Variants in PTK2 observed in about 807,000 individuals in gnomAD.
The protein encoded by PTK2 is focal adhesion kinase 1.
In PTK2, 45 loss-of-function variants were observed where a neutral mutation model predicts 150.1. The ratio of observed to expected loss-of-function variants is 0.30; its 90% CI spans 0.24 to 0.38. The LOEUF (loss-of-function observed/expected upper bound fraction) is 0.38. PTK2 is among the 10% of genes least tolerant of loss of function. The pLI, the probability that PTK2 is intolerant of heterozygous loss-of-function variation, is 1.00. For missense variants in PTK2, 919 were observed against 1,307.3 expected, an observed-to-expected ratio of 0.70 and a Z score of 4.58; for synonymous variants, 432 against 449.2, an observed-to-expected ratio of 0.96 and a Z score of 0.48.
chr8:140,879,922 T>A (rs1400749205), intron 3 of PTK2, among the ~76,000 whole-genome samples: 2 of 152,084 alleles, frequency 1.3e-5, no homozygotes, highest in Non-Finnish European at 2.9e-5. Context: ...TAACAAGGCA[T>A]GTAAACTTAA....
chr8:140,861,164 G>A (rs2100135847), intron 5 of PTK2, among the ~76,000 whole-genome samples: 1 of 152,070 alleles, frequency 6.6e-6, no homozygotes, highest in Non-Finnish European at 1.5e-5. Flanking sequence ...GGGTAACATA[G>A]CAAGACCCCC....
At chr8:140,852,258 C>T (rs1382065424) in intron 5 of PTK2, among the ~76,000 whole-genome samples, 1 of 152,162 alleles carries the variant, frequency 6.6e-6, no homozygotes, top group African/African-American at 2.4e-5. Flanking sequence ...AACAGATTAA[C>T]GACAGTTAAA....
At position 140,818,811 on chromosome 8, in the gene PTK2, G is replaced by A. The variant is rs531998168; in HGVS notation, c.789+69C>T. 45 of 1,479,032 alleles carry A rather than the reference G, an allele frequency of 3.0e-5. No homozygotes were observed. The African/African-American group carries it at 5.5e-4, about 18-fold the overall frequency. 91.6% of individuals were successfully genotyped at this position (1,479,032 alleles called of 1,614,324 possible). On this transcript the variant is annotated intron_variant, in intron 9 of 31. Transcript: ENST00000522684. ...TTAGCATTTTTTCATCAGAAATTTA[G>A]ATATACAGCAAGAGACAAGAAAAAG...
At chr8:140,784,917 T>C (rs1302739394) in intron 14 of PTK2, among the ~76,000 whole-genome samples, 1 of 152,222 alleles carries the variant, frequency 6.6e-6, no homozygotes, top group African/African-American at 2.4e-5. Flanking sequence ...GGTGATCCAA[T>C]AACTACCTTT....
chr8:140,930,092 C>T (rs2100171166), intron 1 of PTK2, among the ~76,000 whole-genome samples: 1 of 152,098 alleles, frequency 6.6e-6, no homozygotes. Flanking sequence ...AATAAATCTC[C>T]TCTCAGTTTT....
At chr8:140,774,513 T>C (rs544742866) in intron 14 of PTK2, among the ~76,000 whole-genome samples, 3 of 152,132 alleles carry the variant, frequency 2.0e-5, no homozygotes, top group South Asian at 2.1e-4. Context: ...CTGTGGAACA[T>C]TGTGTAGCGT....
At chr8:140,844,422 CA>C (rs1452528925) in intron 7 of PTK2, among the ~76,000 whole-genome samples, 1 of 139,768 alleles carries the variant, frequency 7.2e-6, no homozygotes, top group African/African-American at 2.5e-5. Flanking sequence ...GGAAATTTGT[CA>C]CTGCTCCTTT....
intron 2 of PTK2, among the ~76,000 whole-genome samples, chr8:140,922,992 G>C (rs1425652666): frequency 6.6e-6 from 1 of 152,136 alleles, no homozygotes; most frequent in African/African-American, 2.4e-5. Context: ...GAGGATGAGA[G>C]GACAAACAAG....
intron 14 of PTK2, among the ~76,000 whole-genome samples, chr8:140,782,485 G>T (rs1458655169): frequency 6.6e-6 from 1 of 152,112 alleles, no homozygotes; most frequent in African/African-American, 2.4e-5. Context: ...TAATCTGCCT[G>T]CCTTGGCCTT....
chr8:140,676,188 C>T (rs1246805783), intron 27 of PTK2, among the ~76,000 whole-genome samples: 1 of 151,934 alleles, frequency 6.6e-6, no homozygotes, highest in East Asian at 2.0e-4. Context: ...CCAGCCTGGC[C>T]AACATGGCAA....
chr8:140,942,341 G>A (rs1303178391), intron 1 of PTK2, among the ~76,000 whole-genome samples: 1 of 152,114 alleles, frequency 6.6e-6, no homozygotes, highest in Non-Finnish European at 1.5e-5. Context: ...TTTTTCTCCA[G>A]AGCTACAAGA....
intron 1 of PTK2, among the ~76,000 whole-genome samples, chr8:140,948,480 A>C (rs561285565): frequency 6.6e-6 from 1 of 152,348 alleles, no homozygotes; most frequent in Non-Finnish European, 1.5e-5. Flanking sequence ...AAGCAAAGGA[A>C]AGATATTGGT....
At chr8:140,856,430 GATAA>G (rs1245530566) in intron 5 of PTK2, among the ~76,000 whole-genome samples, 2 of 151,984 alleles carry the variant, frequency 1.3e-5, no homozygotes, top group East Asian at 1.9e-4. Flanking sequence ...CAGAAAAATG[GATAA>G]ATACACTACG....
At chr8:140,734,557 A>G (rs2100051446) in intron 22 of PTK2, 1 of 354,098 alleles carries the variant, frequency 2.8e-6, no homozygotes, top group South Asian at 2.2e-5. Context: ...TAGAGTATGC[A>G]CATGCTTCTC....
At chr8:140,860,472 T>A (rs1400099090) in intron 5 of PTK2, among the ~76,000 whole-genome samples, 2 of 152,124 alleles carry the variant, frequency 1.3e-5, no homozygotes, top group African/African-American at 4.8e-5. Flanking sequence ...TTTTGACAAA[T>A]CATAGTATTT....
intron 12 of PTK2, among the ~76,000 whole-genome samples, chr8:140,793,713 C>G (rs574822813): frequency 6.6e-6 from 1 of 152,324 alleles, no homozygotes; most frequent in South Asian, 2.1e-4. Flanking sequence ...TGTCAAAGGA[C>G]CAGGCATTCT....
chr8:140,860,940 A>C (rs1276634207), intron 5 of PTK2, among the ~76,000 whole-genome samples: 1 of 152,212 alleles, frequency 6.6e-6, no homozygotes, highest in Non-Finnish European at 1.5e-5. Flanking sequence ...CTTTCTTTTA[A>C]AATGTATGTA....
chr8:140,965,586 A>G (rs563217266), intron 1 of PTK2, among the ~76,000 whole-genome samples: 1 of 152,218 alleles, frequency 6.6e-6, no homozygotes, highest in South Asian at 2.1e-4. Context: ...AGTAAACAAC[A>G]ATATTCTAGG....
intron 1 of PTK2, among the ~76,000 whole-genome samples, chr8:140,937,688 G>A (rs979444243): frequency 4.0e-5 from 6 of 151,762 alleles, no homozygotes; most frequent in African/African-American, 7.3e-5. Context: ...TAATGTAACT[G>A]CATATTCCTA....
Sources: gnomAD v4.1 joint callset for allele counts (sites outside exome capture counted in the v4.1 genomes callset) on GRCh38, gnomAD v4.1.1 for gene constraint, MANE v1.5 for transcripts, NCBI Gene and HGNC (gene_info 2026-07-23, HGNC 2026-07-21) for gene names.